Variants in KCNQ3 observed in about 807,000 individuals in gnomAD.
The protein encoded by KCNQ3 is potassium voltage-gated channel subfamily KQT member 3.
KCNQ3 carries 30 observed loss-of-function variants against 92.5 expected under a neutral mutation model. The observed-to-expected ratio is 0.32, with a 90% confidence interval of 0.24 to 0.44. KCNQ3 has a LOEUF of 0.44. KCNQ3 is among the 20% of genes least tolerant of loss of function. The pLI is 1.00. For missense variants in KCNQ3, 913 were observed against 1,140.3 expected, an observed-to-expected ratio of 0.80 and a Z score of 2.87; for synonymous variants, 450 against 468.8, an observed-to-expected ratio of 0.96 and a Z score of 0.52.
At chr8:132,380,235 A>G (rs557702572) in intron 1 of KCNQ3, among the ~76,000 whole-genome samples, 24 of 152,196 alleles carry the variant, frequency 1.6e-4, no homozygotes, top group Non-Finnish European at 2.8e-4. Flanking sequence ...ACAGCTGGGC[A>G]TCAGAAGAGA....
intron 1 of KCNQ3, among the ~76,000 whole-genome samples, chr8:132,474,111 C>T (rs765424622): frequency 3.5e-4 from 54 of 152,156 alleles, no homozygotes; most frequent in Non-Finnish European, 6.9e-4. Flanking sequence ...CAAGATGAAG[C>T]CAGCATCTTT....
chr8:132,452,061 C>T (rs879807965), intron 1 of KCNQ3, among the ~76,000 whole-genome samples: 1 of 152,114 alleles, frequency 6.6e-6, no homozygotes, highest in Non-Finnish European at 1.5e-5. Flanking sequence ...TTGGGTTTTT[C>T]GTTTGTTTGT....
chr8:132,312,495 C>T (rs757575864), intron 1 of KCNQ3, among the ~76,000 whole-genome samples: 11 of 152,040 alleles, frequency 7.2e-5, no homozygotes, highest in Non-Finnish European at 1.0e-4. Context: ...GCTTCAAGTG[C>T]AGGGGGTTGA....
intron 1 of KCNQ3, among the ~76,000 whole-genome samples, chr8:132,372,889 C>T (rs989880434): frequency 6.6e-6 from 1 of 151,914 alleles, no homozygotes; most frequent in Admixed American, 6.6e-5. Context: ...GAAAGGCATG[C>T]AAACTGCAGA....
At chr8:132,448,502 G>GAAAAAAAAAAAAAAAAAAAAAAAAAAA in intron 1 of KCNQ3, among the ~76,000 whole-genome samples, 12 of 93,880 alleles carry the variant, frequency 1.3e-4, no homozygotes, top group Non-Finnish European at 1.4e-4. Flanking sequence ...GGAGAAATAT[G>GAAAAAAAAAAAAAAAAAAAAAAAAAAA]AAAAAAAAAA....
intron 1 of KCNQ3, among the ~76,000 whole-genome samples, chr8:132,331,204 T>C (rs1818218801): frequency 1.3e-5 from 2 of 152,200 alleles, no homozygotes; most frequent in Admixed American, 6.5e-5. Context: ...CTCTGTACAC[T>C]GCAGATGAGG....
intron 1 of KCNQ3, among the ~76,000 whole-genome samples, chr8:132,289,484 T>C (rs983702868): frequency 4.6e-5 from 7 of 152,168 alleles, no homozygotes; most frequent in Non-Finnish European, 7.4e-5. Flanking sequence ...TGGTTTGTGG[T>C]TGTATCATTC....
At chr8:132,304,892 A>G (rs1817368486) in intron 1 of KCNQ3, among the ~76,000 whole-genome samples, 1 of 152,212 alleles carries the variant, frequency 6.6e-6, no homozygotes. Context: ...AGAAGGAGAC[A>G]CAGATAACAA....
intron 1 of KCNQ3, among the ~76,000 whole-genome samples, chr8:132,465,464 T>C (rs975518349): frequency 6.6e-6 from 1 of 152,004 alleles, no homozygotes; most frequent in African/African-American, 2.4e-5. Context: ...TGGCGGCTCA[T>C]GCCTGTAATC....
chr8:132,407,365 A>C (rs1820518916), intron 1 of KCNQ3, among the ~76,000 whole-genome samples: 1 of 152,214 alleles, frequency 6.6e-6, no homozygotes, highest in Non-Finnish European at 1.5e-5. Flanking sequence ...CCCAAAACAA[A>C]GTGATTGATT....
chr8:132,280,856 G>A (rs1216039310), intron 1 of KCNQ3, among the ~76,000 whole-genome samples: 2 of 152,102 alleles, frequency 1.3e-5, no homozygotes, highest in East Asian at 3.9e-4. Context: ...AGTTGGCAGA[G>A]AACATGGTAG....
rs1041212000 is a variant in KCNQ3, at chr8:132,126,629, T to C, written c.*2633A>G. 1 of 152,112 alleles carries C rather than the reference T, an allele frequency of 6.6e-6. No individual in the cohort carries two copies. Among genetic ancestry groups the C allele is most frequent in the African/African-American group, 2.4e-5 (1 of 41,406 alleles). 9.4% of individuals were successfully genotyped at this position (152,112 alleles called of 1,614,324 possible). A position where few individuals can be genotyped will look rare whatever the true frequency, so the allele number is the denominator to read the frequency against. On this transcript the variant is annotated 3_prime_UTR_variant, in exon 15 of 15. Coordinates refer to ENST00000388996, the MANE Select transcript of KCNQ3 (RefSeq NM_004519.4). Reference sequence around the variant, plus strand: ...GTCTATACTGATAAAGACAACTTACTAGATGTTAGACAATCAATACTTCCC... The same window carrying C: ...GTCTATACTGATAAAGACAACTTACCAGATGTTAGACAATCAATACTTCCC...
chr8:132,348,742 C>T (rs1350207377), intron 1 of KCNQ3, among the ~76,000 whole-genome samples: 2 of 152,312 alleles, frequency 1.3e-5, no homozygotes, highest in East Asian at 3.9e-4. Context: ...ATCGTGTTCA[C>T]CTGAAAGTGA....
At chr8:132,303,601 G>GTTGT (rs1817302105) in intron 1 of KCNQ3, among the ~76,000 whole-genome samples, 1 of 17,520 alleles carries the variant, frequency 5.7e-5, no homozygotes, top group African/African-American at 3.0e-4. Flanking sequence ...ATATATATAT[G>GTTGT]GTGTGTATAT....
intron 1 of KCNQ3, among the ~76,000 whole-genome samples, chr8:132,315,141 G>A (rs1284857563): frequency 6.6e-6 from 1 of 152,126 alleles, no homozygotes; most frequent in Non-Finnish European, 1.5e-5. Flanking sequence ...GAAGAGAAGT[G>A]GGAGAAATGA....
At chr8:132,447,209 G>T (rs552538402) in intron 1 of KCNQ3, 37 of 1,535,288 alleles carry the variant, frequency 2.4e-5, no homozygotes, top group Non-Finnish European at 3.0e-5. Flanking sequence ...ACATCGTGGC[G>T]TGTTCTGCAG....
chr8:132,242,734 G>A (rs564591905), intron 1 of KCNQ3, among the ~76,000 whole-genome samples: 2 of 152,200 alleles, frequency 1.3e-5, no homozygotes, highest in Non-Finnish European at 2.9e-5. Flanking sequence ...ATGAATGAAT[G>A]AATAATTGAA....
Position 132,266,306 on chromosome 8 carries a change from A to G in KCNQ3, c.387-80125T>C, listed in dbSNP as rs1466845029. ...AGACTAATAGTCTCTCGGCCACCTC[A>G]GGGGATTGAGGGAGATGTGGGTAGG... On this transcript the variant is annotated intron_variant, in intron 1 of 14. Transcript: ENST00000388996. 4.6e-5 allele frequency among the ~76,000 whole-genome samples: 7 copies of G among 152,320 alleles called. No individual in the cohort carries two copies. In the East Asian group the frequency reaches 1.2e-3, roughly 25 times the overall value.
chr8:132,478,981 G>T (rs555833946), intron 1 of KCNQ3, among the ~76,000 whole-genome samples: 1 of 151,620 alleles, frequency 6.6e-6, no homozygotes, highest in Non-Finnish European at 1.5e-5. Flanking sequence ...AGAGAGGGGG[G>T]AGGGGGGGTT....
Sources: gnomAD v4.1 joint callset for allele counts (sites outside exome capture counted in the v4.1 genomes callset) on GRCh38, gnomAD v4.1.1 for gene constraint, MANE v1.5 for transcripts, NCBI Gene and HGNC (gene_info 2026-07-23, HGNC 2026-07-21) for gene names.